Variants in KCNK3 observed in about 807,000 individuals in gnomAD.
KCNK3 encodes potassium channel subfamily K member 3.
Under a neutral mutation model 27.3 loss-of-function variants are expected in KCNK3, and 9 were observed. The ratio of observed to expected loss-of-function variants is 0.33; its 90% CI spans 0.20 to 0.57. The LOEUF (loss-of-function observed/expected upper bound fraction) is 0.57. Ranked by LOEUF, KCNK3 falls within the 20% of genes least tolerant of loss-of-function variation. KCNK3 has a pLI of 0.87. For missense variants in KCNK3, 391 were observed against 577.7 expected (o/e 0.68, Z 3.31); for synonymous variants, 278 against 273.8 (o/e 1.02, Z -0.15).
At chr2:26,695,063 A>G (rs985254824) in intron 1 of KCNK3, among the ~76,000 whole-genome samples, 2 of 152,008 alleles carry the variant, frequency 1.3e-5, no homozygotes, top group Non-Finnish European at 2.9e-5. Context: ...TCCTTATCTC[A>G]AATTTTGAGG....
rs565601776 is a variant in KCNK3 at position 26,721,771 on chromosome 2, G to T, written c.284-5896G>T. 6.6e-6 allele frequency among the ~76,000 whole-genome samples: 1 copy of T among 152,340 alleles called. No individual in the cohort carries two copies. Among genetic ancestry groups the T allele is most frequent in the Non-Finnish European group, 1.5e-5 (1 of 68,030 alleles). On this transcript the variant is annotated intron_variant, in intron 1 of 1. Transcript: ENST00000302909. This position sits in a 1 kb window ranked among gnomAD's most constrained non-coding sequence, Gnocchi z 4.3. ...GAGGTCACTTCGGCATCAGCCCAGA[G>T]TTCACGGCCTTTGGGCACCTCAGGC...
rs1395442026 is a variant in KCNK3 at position 26,721,242 on chromosome 2, G to T, written c.284-6425G>T. On this transcript the variant is annotated intron_variant, in intron 1 of 1. Transcript: ENST00000302909. This position sits in a 1 kb window ranked among gnomAD's most constrained non-coding sequence, Gnocchi z 4.3. ...GACATGAGTGCCCAAATACAGGGTG[G>T]GGGCCTGAGAGGGGCAGAGGGAGGA... is the stretch of plus-strand genomic sequence containing the variant. Among the ~76,000 whole-genome samples the T allele has an allele frequency of 6.6e-6, 1 of 152,066 alleles. No homozygotes were observed. The highest frequency in any genetic ancestry group is 1.5e-5 in the Non-Finnish European group (1 of 67,992).
intron 1 of KCNK3, among the ~76,000 whole-genome samples, chr2:26,702,977 A>G (rs1670328640): frequency 6.6e-6 from 1 of 152,128 alleles, no homozygotes; most frequent in South Asian, 2.1e-4. Flanking sequence ...TTAGCCGGGC[A>G]TGGTAGGGGG....
chr2:26,701,915 G>A (rs1572603214), intron 1 of KCNK3, among the ~76,000 whole-genome samples: 1 of 152,184 alleles, frequency 6.6e-6, no homozygotes, highest in South Asian at 2.1e-4. Flanking sequence ...ACTCCAGCCT[G>A]GGCAACAGAG....
intron 1 of KCNK3, among the ~76,000 whole-genome samples, chr2:26,708,181 G>A (rs1249412993): frequency 6.6e-6 from 1 of 152,198 alleles, no homozygotes; most frequent in African/African-American, 2.4e-5. Flanking sequence ...TGCCTTCCAG[G>A]AGGGGCCTGT....
intron 1 of KCNK3, among the ~76,000 whole-genome samples, chr2:26,720,498 A>T (rs1393449110): frequency 1.3e-5 from 2 of 152,162 alleles, no homozygotes; most frequent in Non-Finnish European, 2.9e-5. Flanking sequence ...ATTTTCCATG[A>T]CACCAGCACC....
At chr2:26,696,678 T>A (rs1221859977) in intron 1 of KCNK3, among the ~76,000 whole-genome samples, 1 of 152,140 alleles carries the variant, frequency 6.6e-6, no homozygotes, top group African/African-American at 2.4e-5. Context: ...TCTTAGGAAG[T>A]CTTAACCACT....
intron 1 of KCNK3, among the ~76,000 whole-genome samples, chr2:26,723,658 C>CAGAT (rs1663361587): frequency 6.6e-6 from 1 of 152,252 alleles, no homozygotes; most frequent in African/African-American, 2.4e-5. Flanking sequence ...TGACCTTGAA[C>CAGAT]AGATTGCTTT....
chr2:26,699,207 G>GAGAAAGAAAGAAAGAA (rs1553384397), intron 1 of KCNK3, among the ~76,000 whole-genome samples: 6,245 of 130,918 alleles, frequency 0.048, 222 homozygotes, highest in Non-Finnish European at 0.063. Context: ...AGGAAAGAGA[G>GAGAAAGAAAGAAAGAA]AGAAAGAAAG....
At chr2:26,699,759 C>T (rs1670284582) in intron 1 of KCNK3, among the ~76,000 whole-genome samples, 1 of 152,152 alleles carries the variant, frequency 6.6e-6, no homozygotes, top group Non-Finnish European at 1.5e-5. Flanking sequence ...GGGTGCTGTC[C>T]ACAACATTTC....
chr2:26,709,603 C>T (rs1011300914), intron 1 of KCNK3, among the ~76,000 whole-genome samples: 13 of 152,108 alleles, frequency 8.5e-5, no homozygotes, highest in Admixed American at 2.0e-4. Flanking sequence ...GCTCCAGGAG[C>T]GAGGGAAGGG....
intron 1 of KCNK3, among the ~76,000 whole-genome samples, chr2:26,707,116 C>A (rs1670385144): frequency 6.6e-6 from 1 of 152,198 alleles, no homozygotes; most frequent in African/African-American, 2.4e-5. Context: ...CAAGGACCTC[C>A]AAGTCACCCC....
In KCNK3 at chr2:26,721,453, C is replaced by T. The variant is rs902950230; in HGVS notation, c.284-6214C>T. On this transcript the variant is annotated intron_variant, in intron 1 of 1. Coordinates refer to ENST00000302909, the MANE Select transcript of KCNK3 (RefSeq NM_002246.3). This position sits in a 1 kb window ranked among gnomAD's most constrained non-coding sequence, Gnocchi z 4.3. ...AGCTAGGCTCCTTCCGCCTCATCTC[C>T]TTTAACATGCCAATTAGGCTCCCTC... Among the ~76,000 whole-genome samples the T allele has an allele frequency of 1.3e-5, 2 of 152,174 alleles. No homozygotes were observed. Among genetic ancestry groups the T allele is most frequent in the African/African-American group, 4.8e-5 (2 of 41,450 alleles).
intron 1 of KCNK3, among the ~76,000 whole-genome samples, chr2:26,700,659 A>G (rs1037194674): frequency 2.6e-4 from 40 of 152,230 alleles, no homozygotes; most frequent in African/African-American, 8.9e-4. Context: ...GCTGGCCTTC[A>G]TGCTAGAGAG....
At chr2:26,705,721 C>T (rs1012126267) in intron 1 of KCNK3, among the ~76,000 whole-genome samples, 1 of 152,104 alleles carries the variant, frequency 6.6e-6, no homozygotes, top group Admixed American at 6.6e-5. Flanking sequence ...CCTTGGTTCC[C>T]GGCCTTTGTC....
At chr2:26,704,547 C>T (rs1266864301) in intron 1 of KCNK3, among the ~76,000 whole-genome samples, 1 of 152,206 alleles carries the variant, frequency 6.6e-6, no homozygotes, top group African/African-American at 2.4e-5. Flanking sequence ...CACATTCCAG[C>T]CCTCCAGCCA....
intron 1 of KCNK3, among the ~76,000 whole-genome samples, chr2:26,706,115 G>A (rs1043989590): frequency 1.3e-5 from 2 of 152,216 alleles, no homozygotes; most frequent in Admixed American, 6.5e-5. Flanking sequence ...ATACTTGGGA[G>A]GCTGGGCCAC....
At chr2:26,722,664 C>T (rs1008537240) in intron 1 of KCNK3, among the ~76,000 whole-genome samples, 1 of 152,248 alleles carries the variant, frequency 6.6e-6, no homozygotes, top group Non-Finnish European at 1.5e-5. Flanking sequence ...TCAATTATCT[C>T]AGGCTAATCA....
chr2:26,709,037 G>A (rs978430153), intron 1 of KCNK3, among the ~76,000 whole-genome samples: 6 of 152,164 alleles, frequency 3.9e-5, no homozygotes, highest in Non-Finnish European at 4.4e-5. Context: ...TAGGAGTTGG[G>A]GGAAGAGAAC....
Sources: gnomAD v4.1 joint callset for allele counts (sites outside exome capture counted in the v4.1 genomes callset) on GRCh38, gnomAD v4.1.1 for gene constraint, Gnocchi (gnomAD v3.1) non-coding constraint, MANE v1.5 for transcripts, NCBI Gene and HGNC (gene_info 2026-07-23, HGNC 2026-07-21) for gene names.